Variants in PCGF6 observed in about 807,000 individuals in gnomAD.
The protein encoded by PCGF6 is polycomb group ring finger 6, also known as polycomb group RING finger protein 6.
Under a neutral mutation model 45.5 loss-of-function variants are expected in PCGF6, and 24 were observed. That is an observed-to-expected ratio of 0.53 (90% CI 0.38 to 0.74). The LOEUF is 0.74. Among genes scored for constraint, PCGF6 ranks in the 30% least tolerant of loss-of-function variants. The probability of loss-of-function intolerance (pLI) is 0.00; values close to 1 mark genes in which losing one functional copy is unlikely to be tolerated. For synonymous variants in PCGF6, 152 were observed against 162.1 expected (o/e 0.94, Z 0.47); for missense variants, 356 against 443.2 (o/e 0.80, Z 1.77).
chr10:103,306,487 C>T (rs923889439), intron 9 of PCGF6, among the ~76,000 whole-genome samples: 4 of 152,188 alleles, frequency 2.6e-5, no homozygotes, highest in African/African-American at 9.7e-5. Flanking sequence ...GTGCCACAGA[C>T]CTGAACTGAG....
intron 7 of PCGF6, among the ~76,000 whole-genome samples, chr10:103,331,802 CTCT>C (rs1340031285): frequency 1.2e-4 from 18 of 151,896 alleles, no homozygotes; most frequent in African/African-American, 4.3e-4. Context: ...ATCTCTCTCT[CTCT>C]TTTTTGAGAC....
intron 8 of PCGF6, among the ~76,000 whole-genome samples, chr10:103,315,896 G>A (rs2093173340): frequency 6.6e-6 from 1 of 151,682 alleles, no homozygotes; most frequent in Non-Finnish European, 1.5e-5. Flanking sequence ...AGATAGAAAT[G>A]CAAATCTTTA....
At position 103,350,910 on chromosome 10, in the gene PCGF6, C is replaced by T; in HGVS notation, c.157G>A (p.Ala53Thr). The T allele has an allele frequency of 9.8e-6, 15 of 1,523,544 alleles. No individual in the cohort carries two copies. Among genetic ancestry groups the T allele is most frequent in the Non-Finnish European group, 1.1e-5 (13 of 1,139,610 alleles). The allele number at this position is 1,523,544 out of a possible 1,614,324, so 94.4% of individuals were successfully genotyped here. ...GGCCGGGAGCCGGAGCAGCCGGGAG[C>T]CCCCGTCTCAGACAGAGGCGCCGGT... Reference protein sequence around the residue: ...EGPAPLSETGAPGCSGSRPPE... With the variant: ...EGPAPLSETGTPGCSGSRPPE... The change falls in exon 1 of 10, where the codon GCT becomes ACT. Residue 53 changes from alanine (A) to threonine (T), a missense_variant. Around this residue, in one of 2 missense-constraint regions of PCGF6, gnomAD observed 307 missense variants for 350.1 expected, o/e 0.88. Transcript: ENST00000369847.
chr10:103,316,030 AG>A (rs2093175214), intron 8 of PCGF6, among the ~76,000 whole-genome samples: 1 of 151,542 alleles, frequency 6.6e-6, no homozygotes, highest in African/African-American at 2.4e-5. Context: ...AGAGAGAGAG[AG>A]AGAGAGAGAG....
intron 6 of PCGF6, among the ~76,000 whole-genome samples, chr10:103,339,810 A>AAAAACACACAC (rs1554865094): frequency 9.3e-5 from 3 of 32,224 alleles, no homozygotes; most frequent in Non-Finnish European, 2.1e-4. Flanking sequence ...TCAAAAAAAA[A>AAAAACACACAC]ACACACACAC....
intron 6 of PCGF6, among the ~76,000 whole-genome samples, chr10:103,344,121 A>T (rs1162098278): frequency 6.6e-6 from 1 of 152,266 alleles, no homozygotes. Flanking sequence ...AAATGAATGA[A>T]CTAGGCTATA....
At chr10:103,316,619 CAG>C (rs2093177141) in intron 8 of PCGF6, among the ~76,000 whole-genome samples, 1 of 152,148 alleles carries the variant, frequency 6.6e-6, no homozygotes, top group African/African-American at 2.4e-5. Flanking sequence ...AATGCCATCT[CAG>C]GGGTCGGCAA....
At chr10:103,348,581 T>C (rs1224958156) in intron 3 of PCGF6, 135 bp downstream of exon 3, 4 of 672,046 alleles carry the variant, frequency 6.0e-6, no homozygotes, top group Admixed American at 3.3e-5. Flanking sequence ...CACCTCGGCC[T>C]CCCAAAGTGC....
intron 8 of PCGF6, 140 bp from the exon 9 acceptor site, chr10:103,314,412 G>GA (rs1251402827): frequency 1.9e-6 from 1 of 514,668 alleles, no homozygotes; most frequent in Admixed American, 3.6e-5. Flanking sequence ...CTCTTGAAAA[G>GA]AGAGTTTTAG....
chr10:103,335,091 T>A lies in PCGF6; in HGVS notation c.783-1139A>T, dbSNP rs116718848. Among the ~76,000 whole-genome samples the A allele has an allele frequency of 7.7e-3, 1,168 of 152,200 alleles. 19 individuals are homozygous for A. Among genetic ancestry groups the A allele is most frequent in the African/African-American group, 0.026 (1,093 of 41,542 alleles). On this transcript the variant is annotated intron_variant, in intron 6 of 9. Transcript: ENST00000369847. ...TTTTCTTTAAGAGATAGGGTCTTGCTCTATCACCCAGGCAGGAGTGTAGTG... is the reference window on the plus strand; with the variant it reads ...TTTTCTTTAAGAGATAGGGTCTTGCACTATCACCCAGGCAGGAGTGTAGTG...
At chr10:103,347,190 T>C (rs2093302858) in intron 5 of PCGF6, 48 bp downstream of exon 5, 1 of 1,398,034 alleles carries the variant, frequency 7.2e-7, no homozygotes, top group Non-Finnish European at 1.0e-6. Flanking sequence ...ATTTTATTGT[T>C]AGTATTCTTT....
intron 6 of PCGF6, among the ~76,000 whole-genome samples, chr10:103,339,811 ACACACACACACACACACACACACACACAC>A (rs2093272988): frequency 4.4e-5 from 2 of 45,002 alleles, no homozygotes; most frequent in Admixed American, 2.0e-4. Flanking sequence ...CAAAAAAAAA[ACACACACACACACACACACACACACACAC>A]ACACACACAC....
chr10:103,333,888 TC>T, intron 7 of PCGF6, 36 bp downstream of exon 7: 1 of 1,512,146 alleles, frequency 6.6e-7, no homozygotes, highest in Middle Eastern at 1.7e-4. Context: ...TGCTACAGAG[TC>T]CTCTTGTGAA....
In PCGF6 at chr10:103,351,092, G is replaced by T. The variant is rs2093320087; in HGVS notation, c.-26C>A. On this transcript the variant is annotated 5_prime_UTR_variant, in exon 1 of 10. Transcript: ENST00000369847. The stretch of plus-strand genomic sequence containing the variant: ...GGTCGGGAGAGACACCAGGCGAGGC[G>T]AGGCGGCGGGAGAGCGCGGGAGTTC... The T allele has an allele frequency of 7.4e-7, 1 of 1,346,806 alleles. No individual in the cohort carries two copies. Among genetic ancestry groups the T allele is most frequent in the Middle Eastern group, 2.0e-4 (1 of 4,962 alleles). 83.4% of individuals were successfully genotyped at this position (1,346,806 alleles called of 1,614,324 possible).
At chr10:103,340,774 G>C in intron 6 of PCGF6, among the ~76,000 whole-genome samples, 1 of 151,726 alleles carries the variant, frequency 6.6e-6, no homozygotes, top group East Asian at 1.9e-4. Flanking sequence ...TTTTCTTTTC[G>C]TATTTTTTTG....
At position 103,322,445 on chromosome 10, in the gene PCGF6, A is replaced by G. The variant is rs1331422766; in HGVS notation, c.909+4089T>C. 3.3e-5 allele frequency among the ~76,000 whole-genome samples: 5 copies of G among 151,908 alleles called. No homozygotes were observed. The East Asian group carries it at 9.7e-4, about 30-fold the overall frequency. On this transcript the variant is annotated intron_variant, in intron 8 of 9. Transcript: ENST00000369847. ...GGTCTCAAACTCCTGGGCTCAAGCT[A>G]TCCATCCACTTTGGCCTCCCAAAGT...
At position 103,337,943 on chromosome 10, in the gene PCGF6, AGTC is replaced by A. The variant is rs2093263566; in HGVS notation, c.783-3994_783-3992del. Among the ~76,000 whole-genome samples the A allele has an allele frequency of 1.5e-4, 16 of 108,510 alleles. 6 individuals carry two copies. Among genetic ancestry groups the A allele is most frequent in the Non-Finnish European group, 2.4e-4 (12 of 50,758 alleles). The allele number at this position is 108,510 out of a possible 152,430, so 71.2% of individuals were successfully genotyped here. A position where few individuals can be genotyped will look rare whatever the true frequency, so the allele number is the denominator to read the frequency against. Reference sequence around the variant, plus strand: ...GCCGGGCGTAGTGGTGGGCGCCTGTAGTCCCAGCTACTTGGGAGGCTGAGGCAG... The same window carrying A: ...GCCGGGCGTAGTGGTGGGCGCCTGTACCAGCTACTTGGGAGGCTGAGGCAG... On this transcript the variant is annotated intron_variant, in intron 6 of 9. Transcript: ENST00000369847.
chr10:103,334,879 G>GA (rs1253490405), intron 6 of PCGF6, among the ~76,000 whole-genome samples: 2 of 151,780 alleles, frequency 1.3e-5, no homozygotes, highest in African/African-American at 4.8e-5. Context: ...TTCTACAGAT[G>GA]AAAAAAAATT....
intron 7 of PCGF6, among the ~76,000 whole-genome samples, chr10:103,327,686 C>A (rs954737818): frequency 2.1e-5 from 3 of 144,242 alleles, no homozygotes; most frequent in African/African-American, 7.7e-5. Context: ...CTTTTCTTTT[C>A]TTTTTTGAGA....
Sources: allele counts gnomAD v4.1 joint callset (sites outside exome capture counted in the v4.1 genomes callset), GRCh38; gene constraint gnomAD v4.1.1; regional missense constraint gnomAD v4.1.1; transcripts MANE v1.5; gene names NCBI Gene and HGNC (gene_info 2026-07-23, HGNC 2026-07-21).